Variants in JAKMIP1 observed in about 807,000 individuals in gnomAD.
JAKMIP1 encodes the protein janus kinase and microtubule interacting protein 1, also known as janus kinase and microtubule-interacting protein 1.
In JAKMIP1, 33 loss-of-function variants were observed where a neutral mutation model predicts 113.0. The ratio of observed to expected loss-of-function variants is 0.29; its 90% CI spans 0.22 to 0.39. The LOEUF (loss-of-function observed/expected upper bound fraction) is 0.39. JAKMIP1 is among the 10% of genes least tolerant of loss of function. The pLI is 1.00. For synonymous variants in JAKMIP1, 480 were observed against 459.9 expected (o/e 1.04, Z -0.56); for missense variants, 813 against 1,080.5 (o/e 0.75, Z 3.47).
Position 6,042,866 on chromosome 4 carries a change from A to G in JAKMIP1, c.2029-639T>C, listed in dbSNP as rs1714510321. On this transcript the variant is annotated intron_variant, in intron 16 of 20. Coordinates refer to ENST00000409021, the MANE Select transcript of JAKMIP1 (RefSeq NM_001099433.2). The surrounding 1 kb of genome is among the most constrained non-coding windows in gnomAD (Gnocchi z 5.2). ...ATGAAAGCAGGGTTCATGCCAGGAC[A>G]TGAGGGCGCAGGCACGGAGAGTACG... is the stretch of plus-strand genomic sequence containing the variant. 6.6e-6 allele frequency among the ~76,000 whole-genome samples: 1 copy of G among 152,036 alleles called. No homozygotes were observed. The highest frequency in any genetic ancestry group is 1.5e-5 in the Non-Finnish European group (1 of 67,996).
intron 18 of JAKMIP1, among the ~76,000 whole-genome samples, 188 bp from the exon 19 acceptor site, chr4:6,036,295 G>A (rs181801931): frequency 1.3e-5 from 2 of 152,306 alleles, no homozygotes; most frequent in Admixed American, 6.5e-5. Flanking sequence ...ACTCGGCCCC[G>A]CACACTTGTC....
chr4:6,119,362 T>C (rs759134009), intron 1 of JAKMIP1, among the ~76,000 whole-genome samples: 11 of 151,912 alleles, frequency 7.2e-5, no homozygotes, highest in Non-Finnish European at 1.5e-4. Flanking sequence ...TGACCCAACA[T>C]GAAGAAACCC....
At chr4:6,030,986 A>T (rs1712572675) in intron 19 of JAKMIP1, among the ~76,000 whole-genome samples, 1 of 152,210 alleles carries the variant, frequency 6.6e-6, no homozygotes, top group East Asian at 1.9e-4. Context: ...GGGCACATTT[A>T]GTCACTCAGT....
chr4:6,092,432 C>T (rs1034671318), intron 3 of JAKMIP1, among the ~76,000 whole-genome samples: 2 of 152,224 alleles, frequency 1.3e-5, no homozygotes, highest in South Asian at 2.1e-4. Context: ...CACCTGCAGC[C>T]GCAGGCTCCC....
At chr4:6,102,999 AC>A (rs1560188733) in intron 3 of JAKMIP1, among the ~76,000 whole-genome samples, 1 of 151,292 alleles carries the variant, frequency 6.6e-6, no homozygotes, top group Non-Finnish European at 1.5e-5. Flanking sequence ...TCCCAATGAA[AC>A]TTTTATTTAT....
chr4:6,112,820 T>C lies in JAKMIP1; in HGVS notation c.31A>G (p.Lys11Glu). Reference protein sequence around the residue: MSKKGRSKGEKPEMETDAVQM... With the variant: MSKKGRSKGEEPEMETDAVQM... ...ACCGCGTCCGTCTCCATCTCGGGCT[T>C]CTCGCCCTTGCTCCGGCCTTTCTTC... is the stretch of plus-strand genomic sequence containing the variant. Residue 11 changes from lysine (K) to glutamate (E), a missense_variant, in exon 2 of 21, where the codon AAG becomes GAG. Transcript: ENST00000409021. 1 of 1,614,086 alleles carries C rather than the reference T, an allele frequency of 6.2e-7. No individual in the cohort carries two copies. Among genetic ancestry groups the C allele is most frequent in the South Asian group, 1.1e-5 (1 of 91,084 alleles).
At chr4:6,122,099 C>A (rs954885768) in intron 1 of JAKMIP1, among the ~76,000 whole-genome samples, 6 of 152,168 alleles carry the variant, frequency 3.9e-5, no homozygotes, top group Admixed American at 6.5e-5. Flanking sequence ...AACCTTAGCA[C>A]TTTGGGAGGC....
At chr4:6,066,211 G>C (rs1270683452) in intron 8 of JAKMIP1, among the ~76,000 whole-genome samples, 2 of 151,800 alleles carry the variant, frequency 1.3e-5, no homozygotes, top group African/African-American at 4.8e-5. Flanking sequence ...CCCAGCCTGA[G>C]TGTTTTACCC....
At chr4:6,085,739 C>T in intron 3 of JAKMIP1, 110 bp from the exon 4 acceptor site, 3 of 913,634 alleles carry the variant, frequency 3.3e-6, no homozygotes, top group Non-Finnish European at 3.4e-6. Context: ...TGTCTCGGGC[C>T]TGGGTCAACT....
chr4:6,084,787 G>A, intron 5 of JAKMIP1, 59 bp downstream of exon 5: 1 of 1,523,472 alleles, frequency 6.6e-7, no homozygotes, highest in Non-Finnish European at 8.8e-7. Context: ...ATGTTTCAGG[G>A]ACTCAGGGCC....
chr4:6,105,785 C>A lies in JAKMIP1; in HGVS notation c.312G>T (p.Lys104Asn). Reference protein sequence around the residue: ...QHEQEAARTAKIKEGELQRLQ... With the variant: ...QHEQEAARTANIKEGELQRLQ... ...GCCGCTGCAGCTCGCCCTCCTTGAT[C>A]TTGGCGGTGCGCGCCGCCTCCTGCT... is the stretch of plus-strand genomic sequence containing the variant. The change falls in exon 3 of 21, where the codon AAG (lysine) becomes AAT (asparagine). Residue 104 changes from lysine (K) to asparagine (N), a missense_variant. Lys to Asn is a moderately conservative substitution (Grantham distance 94). Coordinates refer to ENST00000409021, the MANE Select transcript of JAKMIP1 (RefSeq NM_001099433.2). 1 of 1,607,484 alleles carries A rather than the reference C, an allele frequency of 6.2e-7. No homozygotes were observed.
Position 6,153,788 on chromosome 4 carries a change from G to C in JAKMIP1, c.-147-40791C>G, listed in dbSNP as rs4529131. On this transcript the variant is annotated intron_variant, in intron 1 of 20. Coordinates refer to ENST00000409021, the MANE Select transcript of JAKMIP1 (RefSeq NM_001099433.2). This position sits in a 1 kb window ranked among gnomAD's most constrained non-coding sequence, Gnocchi z 4.9. ...CAGGTGCTATATTTTATAACTATAAGATACAGTTATATTTTCCCTAATGCA... is the reference window on the plus strand; with the variant it reads ...CAGGTGCTATATTTTATAACTATAACATACAGTTATATTTTCCCTAATGCA... Among the ~76,000 whole-genome samples, 4,884 of 152,254 alleles carry C rather than the reference G, an allele frequency of 0.032. 90 individuals carry two copies. The highest frequency in any genetic ancestry group is 0.058 in the Admixed American group (889 of 15,300).
intron 3 of JAKMIP1, among the ~76,000 whole-genome samples, chr4:6,098,220 C>T (rs955267521): frequency 3.3e-5 from 5 of 152,188 alleles, no homozygotes; most frequent in African/African-American, 1.2e-4. Context: ...CACCTGAGGT[C>T]AGGAGTTCGA....
At chr4:6,066,769 C>T (rs1186700087) in intron 8 of JAKMIP1, among the ~76,000 whole-genome samples, 1 of 152,092 alleles carries the variant, frequency 6.6e-6, no homozygotes, top group Non-Finnish European at 1.5e-5. Context: ...TCCCAGCCAC[C>T]AATATCTCTC....
rs1468038912 is a variant in JAKMIP1 at position 6,162,504 on chromosome 4, T to C, written c.-148+37749A>G. 2.0e-5 allele frequency among the ~76,000 whole-genome samples: 3 copies of C among 152,176 alleles called. No homozygotes were observed. Among genetic ancestry groups the C allele is most frequent in the Non-Finnish European group, 4.4e-5 (3 of 68,030 alleles). On this transcript the variant is annotated intron_variant, in intron 1 of 20. Transcript: ENST00000409021. This position sits in a 1 kb window ranked among gnomAD's most constrained non-coding sequence, Gnocchi z 5.6. ...TCCCTTCTACACAATCCAGATGAGGTTACACATGTTTCATTCCAAAAAGAG... is the reference window on the plus strand; with the variant it reads ...TCCCTTCTACACAATCCAGATGAGGCTACACATGTTTCATTCCAAAAAGAG...
At chr4:6,120,284 T>C (rs1036949821) in intron 1 of JAKMIP1, among the ~76,000 whole-genome samples, 4 of 152,038 alleles carry the variant, frequency 2.6e-5, no homozygotes, top group Non-Finnish European at 5.9e-5. Context: ...TAAATCCAAA[T>C]TGATTGTACT....
At chr4:6,120,015 T>A (rs1163885802) in intron 1 of JAKMIP1, among the ~76,000 whole-genome samples, 1 of 152,186 alleles carries the variant, frequency 6.6e-6, no homozygotes, top group African/African-American at 2.4e-5. Flanking sequence ...AAGCAGAAAT[T>A]CCAGCCCATC....
At chr4:6,115,922 C>T (rs1426771400) in intron 1 of JAKMIP1, among the ~76,000 whole-genome samples, 1 of 152,134 alleles carries the variant, frequency 6.6e-6, no homozygotes, top group Non-Finnish European at 1.5e-5. Context: ...GTCAGCTCCT[C>T]GGGGTCAGAA....
At position 6,080,651 on chromosome 4, in the gene JAKMIP1, A is replaced by T. The variant is rs185617248; in HGVS notation, c.1102-339T>A. On this transcript the variant is annotated intron_variant, in intron 6 of 20. Transcript: ENST00000409021. This position sits in a 1 kb window ranked among gnomAD's most constrained non-coding sequence, Gnocchi z 6.0. ...TCTCAGTCTGTCTTGTCTGCCGCCA[A>T]GTAAGATGTGCCTTTAGCTTTCTGC... 4.2e-4 allele frequency among the ~76,000 whole-genome samples: 64 copies of T among 152,242 alleles called. No individual in the cohort carries two copies. Among genetic ancestry groups the T allele is most frequent in the Non-Finnish European group, 8.8e-4 (60 of 68,014 alleles).
Sources: allele counts gnomAD v4.1 joint callset (sites outside exome capture counted in the v4.1 genomes callset), GRCh38; gene constraint gnomAD v4.1.1; non-coding constraint Gnocchi (gnomAD v3.1); transcripts MANE v1.5; gene names NCBI Gene and HGNC (gene_info 2026-07-23, HGNC 2026-07-21).